The following HMBOX1 variants were observed in gnomAD, a reference collection of about 807,000 sequenced individuals.
HMBOX1 encodes the protein homeobox-containing protein 1.
In HMBOX1, 14 loss-of-function variants were observed where a neutral mutation model predicts 54.5. That is an observed-to-expected ratio of 0.26 (90% confidence interval 0.17 to 0.40). The LOEUF (loss-of-function observed/expected upper bound fraction) is 0.40. Ranked by LOEUF, HMBOX1 falls within the 10% of genes least tolerant of loss-of-function variation. The pLI, the probability that HMBOX1 is intolerant of heterozygous loss-of-function variation, is 1.00. For synonymous variants in HMBOX1, 160 were observed against 181.0 expected (o/e 0.88, Z 0.93); for missense variants, 332 against 514.4 (o/e 0.65, Z 3.43).
intron 6 of HMBOX1, among the ~76,000 whole-genome samples, chr8:29,023,097 T>G (rs910957165): frequency 1.3e-5 from 2 of 152,082 alleles, no homozygotes; most frequent in Admixed American, 6.5e-5. Context: ...TCAGGTACTA[T>G]TTTTATTTAC....
Position 28,970,981 on chromosome 8 carries a change from GACACACACACAC to G in HMBOX1, c.500+500_500+511del, listed in dbSNP as rs10554708. Among the ~76,000 whole-genome samples, 3,083 of 132,026 alleles carry G rather than the reference GACACACACACAC, an allele frequency of 0.023. 34 individuals carry two copies. The highest frequency in any genetic ancestry group is 0.026 in the African/African-American group (900 of 34,926). The allele number at this position is 132,026 out of a possible 152,430, so 86.6% of individuals were successfully genotyped here. A position where few individuals can be genotyped will look rare whatever the true frequency, so the allele number is the denominator to read the frequency against. On this transcript the variant is annotated intron_variant, in intron 3 of 9. Coordinates refer to ENST00000287701, the MANE Select transcript of HMBOX1 (RefSeq NM_001135726.3). The surrounding 1 kb of genome is among the most constrained non-coding windows in gnomAD (Gnocchi z 4.3). ...ATAGGTTCTAATTTTAGCAATAGAT[GACACACACACAC>G]ACACACACACACACACACACACACA...
chr8:29,011,530 A>G (rs1406824108), intron 5 of HMBOX1, among the ~76,000 whole-genome samples: 3 of 152,176 alleles, frequency 2.0e-5, no homozygotes, highest in Non-Finnish European at 4.4e-5. Flanking sequence ...GTAAGGCCAA[A>G]TTCCCGCACT....
intron 1 of HMBOX1, among the ~76,000 whole-genome samples, chr8:28,934,819 C>G (rs1046571033): frequency 1.3e-5 from 2 of 151,246 alleles, no homozygotes; most frequent in African/African-American, 4.9e-5. Context: ...CCCAGCTACT[C>G]GGAAGGTTGA....
chr8:29,006,193 A>G (rs536117940), intron 4 of HMBOX1, among the ~76,000 whole-genome samples: 21 of 152,024 alleles, frequency 1.4e-4, no homozygotes, highest in Middle Eastern at 3.4e-3. Flanking sequence ...GGGTTTTACC[A>G]TATTGGTCAG....
chr8:28,959,879 T>C (rs1825158576), intron 1 of HMBOX1, among the ~76,000 whole-genome samples: 1 of 152,156 alleles, frequency 6.6e-6, no homozygotes, highest in African/African-American at 2.4e-5. Context: ...TATTCTGTTT[T>C]ACTGGGAAAT....
intron 1 of HMBOX1, among the ~76,000 whole-genome samples, chr8:28,892,398 T>G (rs901998313): frequency 9.9e-5 from 15 of 152,238 alleles, no homozygotes; most frequent in African/African-American, 3.6e-4. Flanking sequence ...CTAGGAGAAT[T>G]TAAGGTCATA....
intron 1 of HMBOX1, among the ~76,000 whole-genome samples, chr8:28,923,268 T>C (rs532371718): frequency 6.6e-6 from 1 of 152,336 alleles, no homozygotes; most frequent in Non-Finnish European, 1.5e-5. Context: ...ATAAACAGAA[T>C]CACGCAGTAT....
intron 1 of HMBOX1, among the ~76,000 whole-genome samples, chr8:28,944,269 C>T (rs1192062601): frequency 6.6e-6 from 1 of 152,180 alleles, no homozygotes; most frequent in Non-Finnish European, 1.5e-5. Context: ...ATGAATCCAA[C>T]AAGCATTTTT....
chr8:28,930,575 C>G (rs567674372), intron 1 of HMBOX1, among the ~76,000 whole-genome samples: 1 of 152,278 alleles, frequency 6.6e-6, no homozygotes, highest in African/African-American at 2.4e-5. Flanking sequence ...TAGGCTTTGT[C>G]TTTTTCCCTC....
chr8:28,922,943 T>G (rs12550344), intron 1 of HMBOX1, among the ~76,000 whole-genome samples: 1 of 151,974 alleles, frequency 6.6e-6, no homozygotes, highest in Non-Finnish European at 1.5e-5. Context: ...TAAAAAAGCC[T>G]ACAGGTAGAT....
At chr8:28,927,718 C>A (rs7826754) in intron 1 of HMBOX1, among the ~76,000 whole-genome samples, 151,879 of 151,880 alleles carry the variant, frequency 1, 75,939 homozygotes, top group Non-Finnish European at 1. Flanking sequence ...ACCATATGTA[C>A]CCACTGGAAC....
At chr8:28,949,316 G>A (rs1823001110) in intron 1 of HMBOX1, among the ~76,000 whole-genome samples, 1 of 152,152 alleles carries the variant, frequency 6.6e-6, no homozygotes, top group African/African-American at 2.4e-5. Flanking sequence ...GAGGGGTGGG[G>A]CACCTGCAGG....
chr8:28,951,423 G>A (rs1288392273), intron 1 of HMBOX1, among the ~76,000 whole-genome samples: 10 of 152,106 alleles, frequency 6.6e-5, no homozygotes, highest in East Asian at 3.9e-4. Context: ...GAGCCACTGC[G>A]CCCGGCCCAA....
At chr8:29,024,613 T>C (rs1272846983) in intron 6 of HMBOX1, among the ~76,000 whole-genome samples, 2 of 152,214 alleles carry the variant, frequency 1.3e-5, no homozygotes, top group African/African-American at 4.8e-5. Flanking sequence ...TCATAAATCT[T>C]AAGGCAGTAA....
chr8:28,997,762 G>T (rs943311952), intron 4 of HMBOX1, among the ~76,000 whole-genome samples: 16 of 152,012 alleles, frequency 1.1e-4, no homozygotes, highest in Admixed American at 9.8e-4. Flanking sequence ...TGTTGCCCAG[G>T]CTGGTCTTGA....
intron 5 of HMBOX1, chr8:29,009,805 A>G: frequency 1.6e-6 from 2 of 1,254,660 alleles, no homozygotes; most frequent in Middle Eastern, 2.3e-4. Context: ...GGCAAGATCT[A>G]TTCAAGATAC....
chr8:28,945,183 C>T (rs1822205551), intron 1 of HMBOX1, among the ~76,000 whole-genome samples: 1 of 152,192 alleles, frequency 6.6e-6, no homozygotes, highest in African/African-American at 2.4e-5. Context: ...AAAGTGCTAA[C>T]ATTTCTAGGT....
chr8:28,996,854 G>A (rs1831936582), intron 4 of HMBOX1, among the ~76,000 whole-genome samples: 1 of 152,076 alleles, frequency 6.6e-6, no homozygotes, highest in African/African-American at 2.4e-5. Context: ...TATTCTTTTT[G>A]ATGCTATTGT....
At chr8:28,983,995 G>C (rs982831356) in intron 4 of HMBOX1, among the ~76,000 whole-genome samples, 1 of 152,188 alleles carries the variant, frequency 6.6e-6, no homozygotes, top group Non-Finnish European at 1.5e-5. Context: ...CAGGGGCAAG[G>C]CTTCTCTTTG....
Sources: gnomAD v4.1 joint callset for allele counts (sites outside exome capture counted in the v4.1 genomes callset) on GRCh38, gnomAD v4.1.1 for gene constraint, Gnocchi (gnomAD v3.1) non-coding constraint, MANE v1.5 for transcripts, NCBI Gene and HGNC (gene_info 2026-07-23, HGNC 2026-07-21) for gene names.